The following IGHMBP2 variants were observed in gnomAD, a reference collection of about 807,000 sequenced individuals.
IGHMBP2 encodes the protein immunoglobulin mu DNA binding protein 2, also known as DNA-binding protein SMUBP-2.
IGHMBP2 carries 81 observed loss-of-function variants against 96.0 expected under a neutral mutation model. That is an observed-to-expected ratio of 0.84 (90% CI 0.71 to 1.01). The LOEUF (loss-of-function observed/expected upper bound fraction) is 1.01, where lower values mean the gene tolerates loss of function less well. Ranked by LOEUF, IGHMBP2 falls within the 50% of genes least tolerant of loss-of-function variation. The pLI is 0.00. For missense variants in IGHMBP2, 1,227 were observed against 1,306.3 expected, an observed-to-expected ratio of 0.94 and a Z score of 0.94; for synonymous variants, 557 against 548.9, an observed-to-expected ratio of 1.01 and a Z score of -0.21.
intron 4 of IGHMBP2, 40 bp downstream of exon 4, chr11:68,908,671 A>G (rs986187298): frequency 7.3e-7 from 1 of 1,360,570 alleles, no homozygotes; most frequent in African/African-American, 1.4e-5. Flanking sequence ...TGAAATCACT[A>G]CTGAAAGTAT....
chr11:68,910,419 C>G (rs1230030639), intron 4 of IGHMBP2, among the ~76,000 whole-genome samples: 3 of 152,198 alleles, frequency 2.0e-5, no homozygotes, highest in Non-Finnish European at 4.4e-5. Flanking sequence ...AGCTGCACAC[C>G]CTGCCGTCTT....
chr11:68,905,118 T>C (rs1858137748), intron 1 of IGHMBP2, among the ~76,000 whole-genome samples: 1 of 152,178 alleles, frequency 6.6e-6, no homozygotes, highest in Non-Finnish European at 1.5e-5. Context: ...TCTGTTACTG[T>C]CATTTTCCGT....
intron 1 of IGHMBP2, among the ~76,000 whole-genome samples, chr11:68,904,335 GAGTTAGCAGCC>G (rs1211175939): frequency 3.9e-5 from 6 of 152,130 alleles, no homozygotes; most frequent in Non-Finnish European, 8.8e-5. Context: ...CACCCGCAGC[GAGTTAGCAGCC>G]CTTTCCCTTA....
At chr11:68,935,094 A>G (rs1859472808) in intron 11 of IGHMBP2, among the ~76,000 whole-genome samples, 1 of 152,196 alleles carries the variant, frequency 6.6e-6, no homozygotes, top group African/African-American at 2.4e-5. Flanking sequence ...AAATGATCAA[A>G]TGCCAGGGAC....
chr11:68,921,162 TTTAA>T (rs1450739282), intron 7 of IGHMBP2, among the ~76,000 whole-genome samples: 1 of 132,030 alleles, frequency 7.6e-6, no homozygotes, highest in African/African-American at 2.9e-5. Flanking sequence ...TCTGCTTTCT[TTTAA>T]TTAATTAATT....
chr11:68,917,759 T>A lies in IGHMBP2; in HGVS notation c.936T>A (p.Asp312Glu). Residue 312 changes from aspartate (D) to glutamate (E), a missense_variant, in exon 7 of 15, where the codon GAT (aspartate) becomes GAA (glutamate). Transcript: ENST00000255078. ...QVFVKNKKTQ[D>E]KREKSNFRNE... ...AGGTGAAAAACAAAAAGACCCAGGA[T>A]AAGAGAGAGAAAAGTAATTTTCGAA... 6.2e-7 allele frequency: 1 copy of A among 1,612,662 alleles called. No individual in the cohort carries two copies. Among genetic ancestry groups the A allele is most frequent in the Non-Finnish European group, 8.5e-7 (1 of 1,178,906 alleles).
intron 5 of IGHMBP2, among the ~76,000 whole-genome samples, chr11:68,912,691 C>T (rs1364562493): frequency 1.3e-5 from 2 of 151,954 alleles, no homozygotes; most frequent in Non-Finnish European, 2.9e-5. Context: ...TTCTGAGCAC[C>T]CATTTAATCC....
chr11:68,911,385 A>G (rs1858426320), intron 4 of IGHMBP2, 55 bp from the exon 5 acceptor site: 15 of 1,581,060 alleles, frequency 9.5e-6, no homozygotes, highest in Non-Finnish European at 1.3e-5. Context: ...CTGAGGAGGA[A>G]CACCCACAGA....
At chr11:68,909,192 G>T (rs1397197487) in intron 4 of IGHMBP2, among the ~76,000 whole-genome samples, 51 of 115,374 alleles carry the variant, frequency 4.4e-4, no homozygotes, top group Admixed American at 1.8e-3. Flanking sequence ...GGGTGGAGGG[G>T]GGGGGCGGAT....
At position 68,906,157 on chromosome 11, in the gene IGHMBP2, C is replaced by A. The variant is rs1388384906; in HGVS notation, c.175C>A (p.Leu59Met). The A allele has an allele frequency of 6.2e-7, 1 of 1,614,148 alleles. No homozygotes were observed. The highest frequency in any genetic ancestry group is 2.2e-5 in the East Asian group (1 of 44,892). ...GCAGGTATCCAGCCAGCGCACTGGG[C>A]TGTACGGACGGCTGCTGGTCACCTT... is the stretch of plus-strand genomic sequence containing the variant. ...KLQVSSQRTGLYGRLLVTFEP... is the reference protein window; with the variant it reads ...KLQVSSQRTGMYGRLLVTFEP... The change falls in exon 2 of 15, where the codon CTG becomes ATG. Residue 59 changes from leucine to methionine, a missense_variant. Physicochemically the swap from Leu to Met is conservative, Grantham distance 15. Around this residue, in one of 3 missense-constraint regions of IGHMBP2, gnomAD observed 507 missense variants for 496.9 expected, o/e 1.02. Coordinates refer to ENST00000255078, the MANE Select transcript of IGHMBP2 (RefSeq NM_002180.3).
In IGHMBP2 at chr11:68,908,576, C is replaced by A; in HGVS notation, c.492C>A (p.Ser164=). The A allele has an allele frequency of 6.2e-7, 1 of 1,614,084 alleles. No individual in the cohort carries two copies. Among genetic ancestry groups the A allele is most frequent in the Non-Finnish European group, 8.5e-7 (1 of 1,179,968 alleles). ...ALKKYHSGPA[S]SLIEVLFGRS... The stretch of plus-strand genomic sequence containing the variant: ...AGAAGTATCATTCTGGCCCAGCCTC[C>A]TCACTCATAGAAGTGCTCTTTGGCA... Residue 164 remains serine (S), a synonymous_variant, in exon 4 of 15, where the codon TCC becomes TCA. Coordinates refer to ENST00000255078, the MANE Select transcript of IGHMBP2 (RefSeq NM_002180.3).
intron 11 of IGHMBP2, 46 bp downstream of exon 11, chr11:68,934,604 C>T (rs985142110): frequency 1.4e-6 from 2 of 1,393,204 alleles, no homozygotes; most frequent in Non-Finnish European, 1.0e-6. Flanking sequence ...CTGGGGCTCA[C>T]ACAACCTAGA....
chr11:68,932,173 T>C (rs1594449948), intron 8 of IGHMBP2: 1 of 152,386 alleles, frequency 6.6e-6, no homozygotes, highest in Non-Finnish European at 1.5e-5. Flanking sequence ...GGGGAAGACG[T>C]TGGGTGGCGT....
intron 8 of IGHMBP2, among the ~76,000 whole-genome samples, 189 bp downstream of exon 8, chr11:68,929,546 AG>A (rs1034454697): frequency 4.1e-4 from 62 of 152,240 alleles, no homozygotes; most frequent in African/African-American, 1.4e-3. Context: ...GTACTCCCCG[AG>A]GGTGGGGTCG....
chr11:68,908,765 A>T, intron 4 of IGHMBP2, 134 bp downstream of exon 4: 1 of 645,252 alleles, frequency 1.5e-6, no homozygotes, highest in Non-Finnish European at 2.8e-6. Flanking sequence ...TCTTTGTAGG[A>T]GTGTCTCGGA....
intron 13 of IGHMBP2, among the ~76,000 whole-genome samples, chr11:68,937,331 A>G (rs1859588138): frequency 6.6e-6 from 1 of 152,100 alleles, no homozygotes; most frequent in Non-Finnish European, 1.5e-5. Flanking sequence ...GCAAGTAGGC[A>G]GCACTCAGAG....
At chr11:68,912,510 G>C (rs1009456425) in intron 5 of IGHMBP2, among the ~76,000 whole-genome samples, 11 of 85,930 alleles carry the variant, frequency 1.3e-4, no homozygotes, top group Non-Finnish European at 2.6e-4. Context: ...TTGGCACATG[G>C]AGAGTTTTTT....
At chr11:68,911,349 C>A in intron 4 of IGHMBP2, 91 bp from the exon 5 acceptor site, 1 of 1,331,098 alleles carries the variant, frequency 7.5e-7, no homozygotes, top group Non-Finnish European at 1.1e-6. Context: ...TGACAGGCAT[C>A]ACTCATCCCC....
intron 4 of IGHMBP2, among the ~76,000 whole-genome samples, chr11:68,910,229 G>T (rs193196153): frequency 6.0e-4 from 92 of 152,268 alleles, no homozygotes; most frequent in Middle Eastern, 6.8e-3. Flanking sequence ...TTTTCTTTCT[G>T]CATTTTCCTT....
Sources: allele counts gnomAD v4.1 joint callset (sites outside exome capture counted in the v4.1 genomes callset), GRCh38; gene constraint gnomAD v4.1.1; regional missense constraint gnomAD v4.1.1; transcripts MANE v1.5; gene names NCBI Gene and HGNC (gene_info 2026-07-23, HGNC 2026-07-21).